The following CFAP46 variants were observed in gnomAD, a reference collection of about 807,000 sequenced individuals.
The protein encoded by CFAP46 is cilia and flagella associated protein 46.
A neutral mutation model predicts 325.7 loss-of-function variants in CFAP46; 245 were observed. The observed-to-expected ratio is 0.75, with a 90% CI of 0.68 to 0.84. The LOEUF (loss-of-function observed/expected upper bound fraction) is 0.84, where lower values mean the gene tolerates loss of function less well. CFAP46 is among the 40% of genes least tolerant of loss of function. The pLI, the probability that CFAP46 is intolerant of heterozygous loss-of-function variation, is 0.00. For synonymous variants in CFAP46, 1,523 were observed against 1,495.9 expected (o/e 1.02, Z -0.42); for missense variants, 3,346 against 3,543.0 (o/e 0.94, Z 1.41).
At chr10:132,933,031 G>T (rs916535101) in intron 8 of CFAP46, among the ~76,000 whole-genome samples, 2 of 152,244 alleles carry the variant, frequency 1.3e-5, no homozygotes, top group Admixed American at 1.3e-4. Flanking sequence ...GTCTTCTGCT[G>T]TTTCCCGGGG....
At chr10:132,872,938 C>T (rs1304016309) in intron 31 of CFAP46, 114 bp from the exon 32 acceptor site, 9 of 1,216,704 alleles carry the variant, frequency 7.4e-6, no homozygotes, top group Non-Finnish European at 1.0e-5. Context: ...TGTCTGCACA[C>T]AGCAGGTGCT....
intron 16 of CFAP46, 51 bp from the exon 17 acceptor site, chr10:132,916,733 G>C: frequency 7.1e-7 from 1 of 1,406,338 alleles, no homozygotes; most frequent in South Asian, 1.6e-5. Flanking sequence ...CACGGGCCCA[G>C]CACCAGATAG....
chr10:132,888,753 T>G (rs866520420), intron 25 of CFAP46, among the ~76,000 whole-genome samples: 54 of 68,746 alleles, frequency 7.9e-4, no homozygotes, highest in Admixed American at 1.9e-3. Flanking sequence ...CCTGCCACCT[T>G]CACCCCTGCC....
In CFAP46 at chr10:132,919,824, C is replaced by A. The variant is rs1334283051; in HGVS notation, c.1730+235G>T. Among the ~76,000 whole-genome samples the A allele has an allele frequency of 6.6e-6, 1 of 152,120 alleles. No homozygotes were observed. Among genetic ancestry groups the A allele is most frequent in the Non-Finnish European group, 1.5e-5 (1 of 68,008 alleles). On this transcript the variant is annotated intron_variant, in intron 14 of 57. Transcript: ENST00000368586. The surrounding 1 kb of genome is among the most constrained non-coding windows in gnomAD (Gnocchi z 9.7). ...TCCTCCGAGTGACAGCAGTGACAGG[C>A]GGGACAGGGCAGCCGCACACCTCAT...
chr10:132,871,698 T>C (rs1039524371), intron 32 of CFAP46, among the ~76,000 whole-genome samples: 4 of 152,240 alleles, frequency 2.6e-5, no homozygotes, highest in Non-Finnish European at 5.9e-5. Flanking sequence ...GGATGCGGAA[T>C]TGCCTCTTAT....
rs918570221 is a variant in CFAP46 at position 132,919,521 on chromosome 10, T to G, written c.1731-79A>C. On this transcript the variant is annotated intron_variant, in intron 14 of 57. Coordinates refer to ENST00000368586, the MANE Select transcript of CFAP46 (RefSeq NM_001200049.3). The surrounding 1 kb of genome is among the most constrained non-coding windows in gnomAD (Gnocchi z 9.7). ...GAAGTTAGAAAACACCTGGGCTGGC[T>G]GCCTGAGAAAAGGCCACTGTGGCTC... 1.5e-4 allele frequency: 220 copies of G among 1,480,064 alleles called. 1 individual carries two copies. In the African/African-American group the frequency reaches 2.9e-3, roughly 20 times the overall value. The allele number at this position is 1,480,064 out of a possible 1,614,324, so 91.7% of individuals were successfully genotyped here.
Position 132,814,707 on chromosome 10 carries a change from C to G in CFAP46, c.7228G>C (p.Val2410Leu). 2 of 1,611,198 alleles carry G rather than the reference C, an allele frequency of 1.2e-6. No homozygotes were observed. Among genetic ancestry groups the G allele is most frequent in the Non-Finnish European group, 1.7e-6 (2 of 1,178,658 alleles). The change falls in exon 52 of 58, where the codon GTC becomes CTC. Residue 2410 changes from valine to leucine, a missense_variant. Transcript: ENST00000368586. ...PRTIPPDCII[V>L]DSDNFKFVVD... ...ATACACTTGAAGTTGTCTGAGTCGA[C>G]TATGATGCAGTCAGGGGGGATGGTC...
intron 25 of CFAP46, among the ~76,000 whole-genome samples, chr10:132,887,446 T>C (rs1424923633): frequency 2.0e-4 from 18 of 89,796 alleles, no homozygotes; most frequent in African/African-American, 6.6e-4. Flanking sequence ...CTCTCCCCTC[T>C]TCTCTCTCCT....
chr10:132,837,087 C>A (rs907634111), intron 44 of CFAP46, 173 bp from the exon 45 acceptor site: 5 of 568,130 alleles, frequency 8.8e-6, no homozygotes, highest in Admixed American at 6.5e-5. Context: ...TGACTCGGGG[C>A]TGCCACCAGG....
rs1303769527 is a variant in CFAP46 at position 132,920,079 on chromosome 10, G to T, written c.1710C>A (p.Gly570=). 5 of 1,546,902 alleles carry T rather than the reference G, an allele frequency of 3.2e-6. No individual in the cohort carries two copies. Among genetic ancestry groups the T allele is most frequent in the Non-Finnish European group, 4.4e-6 (5 of 1,145,580 alleles). ...DKAAGHLRRL[G]NENDKERIQI... ...CTCACCTCTCCTTGTCGTTTTCGTT[G>T]CCCAGGCGCCGCAGGTGCCCGGCAG... The change falls in exon 14 of 58, where the codon GGC becomes GGA. Residue 570 remains glycine (G), a synonymous_variant. Transcript: ENST00000368586.
At chr10:132,870,965 G>T (rs550906222) in intron 32 of CFAP46, among the ~76,000 whole-genome samples, 2 of 152,344 alleles carry the variant, frequency 1.3e-5, no homozygotes, top group African/African-American at 4.8e-5. Flanking sequence ...AAGCTTCCAA[G>T]CACAGGCTGA....
At chr10:132,912,908 G>A (rs892927964) in intron 18 of CFAP46, 88 bp from the exon 19 acceptor site, 62 of 1,493,328 alleles carry the variant, frequency 4.2e-5, no homozygotes, top group African/African-American at 5.6e-5. Context: ...ACGGTAAGAG[G>A]CCTGAGATGC....
At chr10:132,938,969 G>T (rs1013858751) in intron 4 of CFAP46, among the ~76,000 whole-genome samples, 1 of 152,188 alleles carries the variant, frequency 6.6e-6, no homozygotes, top group Non-Finnish European at 1.5e-5. Flanking sequence ...GCGACCCTGC[G>T]TCCGACGTGC....
chr10:132,881,892 G>A (rs572239397), intron 27 of CFAP46, among the ~76,000 whole-genome samples: 1 of 152,394 alleles, frequency 6.6e-6, no homozygotes, highest in African/African-American at 2.4e-5. Flanking sequence ...GGTTCCCTCT[G>A]TGCTCGGCAC....
At chr10:132,855,384 C>A (rs1281761215) in intron 39 of CFAP46, among the ~76,000 whole-genome samples, 1 of 152,052 alleles carries the variant, frequency 6.6e-6, no homozygotes, top group African/African-American at 2.4e-5. Flanking sequence ...ACATTTTTTC[C>A]ATTCTTCTCC....
chr10:132,823,018 GC>G (rs1270446814), intron 50 of CFAP46, among the ~76,000 whole-genome samples: 2 of 140,662 alleles, frequency 1.4e-5, no homozygotes, highest in South Asian at 4.8e-4. Flanking sequence ...TGCTGTGTGT[GC>G]TGTGTGCTGT....
chr10:132,809,818 C>T (rs935019256), intron 57 of CFAP46, among the ~76,000 whole-genome samples: 5 of 152,284 alleles, frequency 3.3e-5, no homozygotes, highest in African/African-American at 1.2e-4. Flanking sequence ...TGCCCCTTCC[C>T]GACTTTTCCC....
intron 38 of CFAP46, among the ~76,000 whole-genome samples, chr10:132,858,733 G>A (rs531984943): frequency 6.6e-6 from 1 of 152,148 alleles, no homozygotes; most frequent in Non-Finnish European, 1.5e-5. Flanking sequence ...CCTGTGGCTG[G>A]TGGGGGTGGG....
intron 57 of CFAP46, among the ~76,000 whole-genome samples, chr10:132,809,508 T>G (rs1439312534): frequency 6.6e-6 from 1 of 152,110 alleles, no homozygotes; most frequent in African/African-American, 2.4e-5. Flanking sequence ...GCAGGGATCC[T>G]TGGGACCGGT....
Sources: allele counts gnomAD v4.1 joint callset (sites outside exome capture counted in the v4.1 genomes callset), GRCh38; gene constraint gnomAD v4.1.1; non-coding constraint Gnocchi (gnomAD v3.1); transcripts MANE v1.5; gene names NCBI Gene and HGNC (gene_info 2026-07-23, HGNC 2026-07-21).